Variants in CNTN4 observed in about 807,000 individuals in gnomAD.
CNTN4 encodes the protein contactin-4.
Under a neutral mutation model 122.5 loss-of-function variants are expected in CNTN4, and 77 were observed. The observed-to-expected ratio is 0.63, with a 90% CI of 0.52 to 0.76. CNTN4 has a LOEUF of 0.76. CNTN4 is among the 30% of genes least tolerant of loss of function. The probability of loss-of-function intolerance (pLI) is 0.00; values close to 1 mark genes in which losing one functional copy is unlikely to be tolerated. For synonymous variants in CNTN4, 512 were observed against 447.0 expected (o/e 1.15, Z -1.83); for missense variants, 1,256 against 1,259.1 (o/e 1.00, Z 0.04).
intron 2 of CNTN4, among the ~76,000 whole-genome samples, chr3:2,272,196 G>C (rs1180973993): frequency 6.6e-6 from 1 of 151,856 alleles, no homozygotes; most frequent in Admixed American, 6.6e-5. Context: ...CAGTAATACA[G>C]CTTACTACTG....
intron 2 of CNTN4, among the ~76,000 whole-genome samples, chr3:2,274,738 T>C (rs1266505896): frequency 6.6e-6 from 1 of 152,202 alleles, no homozygotes; most frequent in African/African-American, 2.4e-5. Context: ...CCATGTGACC[T>C]GAGAAGCAGG....
chr3:2,112,033 A>T (rs551061366), intron 2 of CNTN4, among the ~76,000 whole-genome samples: 1 of 152,170 alleles, frequency 6.6e-6, no homozygotes, highest in Non-Finnish European at 1.5e-5. Flanking sequence ...CAACATTTCC[A>T]TAGTGTGTTG....
intron 4 of CNTN4, among the ~76,000 whole-genome samples, chr3:2,636,312 T>G (rs952752187): frequency 6.6e-6 from 1 of 152,204 alleles, no homozygotes; most frequent in African/African-American, 2.4e-5. Context: ...ATCCCCTCTC[T>G]TCTTTGGCCC....
At chr3:2,686,839 G>GGGTTATA (rs2085456978) in intron 4 of CNTN4, among the ~76,000 whole-genome samples, 1 of 152,128 alleles carries the variant, frequency 6.6e-6, no homozygotes, top group Non-Finnish European at 1.5e-5. Flanking sequence ...ACTGACATCT[G>GGGTTATA]CCCACTCTGG....
At chr3:2,676,859 A>C (rs1380248784) in intron 4 of CNTN4, among the ~76,000 whole-genome samples, 1 of 152,218 alleles carries the variant, frequency 6.6e-6, no homozygotes, top group African/African-American at 2.4e-5. Flanking sequence ...TCATCCAGCG[A>C]AGACTAACTG....
Position 2,771,473 on chromosome 3 carries a change from A to G in CNTN4, c.358+25776A>G, listed in dbSNP as rs557120253. 2.0e-5 allele frequency among the ~76,000 whole-genome samples: 3 copies of G among 151,888 alleles called. No homozygotes were observed. The South Asian group carries it at 6.2e-4, about 32-fold the overall frequency. ...CTACCTCTTCTCTCTCACACATATC[A>G]CTCCAATATGTGACCTCTGGCAAAT... On this transcript the variant is annotated intron_variant, in intron 6 of 24. Coordinates refer to ENST00000418658, the MANE Select transcript of CNTN4 (RefSeq NM_175607.3).
chr3:2,727,268 G>T (rs942812050), intron 4 of CNTN4, among the ~76,000 whole-genome samples: 6 of 152,126 alleles, frequency 3.9e-5, no homozygotes, highest in African/African-American at 1.4e-4. Flanking sequence ...GCTGAGTCTG[G>T]GTCAGCACTG....
intron 2 of CNTN4, among the ~76,000 whole-genome samples, chr3:2,202,689 C>T (rs558817619): frequency 6.6e-6 from 1 of 152,180 alleles, no homozygotes; most frequent in South Asian, 2.1e-4. Flanking sequence ...TAGTAATTTA[C>T]TTAAGGTCAC....
chr3:2,872,434 T>A (rs1382292240), intron 8 of CNTN4, among the ~76,000 whole-genome samples: 28 of 152,264 alleles, frequency 1.8e-4, no homozygotes, highest in Admixed American at 1.7e-3. Context: ...TGGAGACTGG[T>A]TGGGGACTGG....
Position 3,034,758 on chromosome 3 carries a change from C to T in CNTN4, c.1910C>T (p.Pro637Leu), listed in dbSNP as rs772184755. ...ATGTATGTCATTCAAGCCAGGACTC[C>T]ATTCTCCGTGGGCTGGCAAGCAGTC... ...ITMYVIQARTPFSVGWQAVST... is the reference protein window; with the variant it reads ...ITMYVIQARTLFSVGWQAVST... The change falls in exon 17 of 25, where the codon CCA (proline) becomes CTA (leucine). Residue 637 changes from proline (P) to leucine (L), a missense_variant. Pro to Leu is a moderately conservative substitution (Grantham distance 98, BLOSUM62 -3). Transcript: ENST00000418658. The T allele has an allele frequency of 9.9e-6, 16 of 1,613,988 alleles. No individual in the cohort carries two copies. Among genetic ancestry groups the T allele is most frequent in the Admixed American group, 1.7e-5 (1 of 60,000 alleles).
chr3:2,271,986 A>T (rs1361736971), intron 2 of CNTN4, among the ~76,000 whole-genome samples: 1 of 152,206 alleles, frequency 6.6e-6, no homozygotes, highest in African/African-American at 2.4e-5. Context: ...TGTTCACAAG[A>T]TGTTAAGTAA....
intron 14 of CNTN4, among the ~76,000 whole-genome samples, chr3:2,994,157 C>T (rs890003667): frequency 1.3e-5 from 2 of 152,070 alleles, no homozygotes; most frequent in African/African-American, 4.8e-5. Flanking sequence ...CCGTCACCAG[C>T]CTAAATCAGC....
chr3:3,001,542 A>T (rs1696047205), intron 14 of CNTN4, among the ~76,000 whole-genome samples: 1 of 152,154 alleles, frequency 6.6e-6, no homozygotes, highest in Non-Finnish European at 1.5e-5. Context: ...GAGTGTTTAA[A>T]CCTTTTAAAT....
intron 2 of CNTN4, among the ~76,000 whole-genome samples, chr3:2,314,886 G>A (rs2043040262): frequency 6.6e-6 from 1 of 151,940 alleles, no homozygotes; most frequent in African/African-American, 2.4e-5. Context: ...CTTCTTAACA[G>A]CTTCAGTGTT....
chr3:2,102,539 A>C (rs1180513446), intron 2 of CNTN4, among the ~76,000 whole-genome samples: 1 of 152,176 alleles, frequency 6.6e-6, no homozygotes, highest in African/African-American at 2.4e-5. Context: ...GAAGTCCCAG[A>C]ATGGGTGATC....
rs148475083 is a variant in CNTN4 at position 2,385,345 on chromosome 3, T to G, written c.-89+46112T>G. On this transcript the variant is annotated intron_variant, in intron 3 of 24. Transcript: ENST00000418658. This position sits in a 1 kb window ranked among gnomAD's most constrained non-coding sequence, Gnocchi z 4.0. ...TTTATAGTTTTGTTTATATTACTCTTGTTGCACTGAATAACCTATTAGCAT... is the reference window on the plus strand; with the variant it reads ...TTTATAGTTTTGTTTATATTACTCTGGTTGCACTGAATAACCTATTAGCAT... Among the ~76,000 whole-genome samples the G allele has an allele frequency of 1.3e-5, 2 of 152,244 alleles. No homozygotes were observed. Among genetic ancestry groups the G allele is most frequent in the Non-Finnish European group, 2.9e-5 (2 of 68,034 alleles).
In CNTN4 at chr3:2,166,094, C is replaced by T. The variant is rs540855995; in HGVS notation, c.-145+65455C>T. Among the ~76,000 whole-genome samples, 51 of 152,094 alleles carry T rather than the reference C, an allele frequency of 3.4e-4. 1 individual carries two copies. Among genetic ancestry groups the T allele is most frequent in the African/African-American group, 1.2e-3 (50 of 41,488 alleles). ...GAAGTGGAATTGCTGGGTCATATGA[C>T]TGTTCTATTTTTAACTTTTTGAGGA... On this transcript the variant is annotated intron_variant, in intron 2 of 24. Coordinates refer to ENST00000418658, the MANE Select transcript of CNTN4 (RefSeq NM_175607.3).
rs573595744 is a variant in CNTN4, at chr3:2,571,672, C to G, written c.55+114C>G. On this transcript the variant is annotated intron_variant, in intron 4 of 24. Coordinates refer to ENST00000418658, the MANE Select transcript of CNTN4 (RefSeq NM_175607.3). ...GATAAAATCGCAAGAGTATATGCTG[C>G]TATGACTAGCATTTGCTGACACTGT... 24 of 772,324 alleles carry G rather than the reference C, an allele frequency of 3.1e-5. No individual in the cohort carries two copies. In the African/African-American group the frequency reaches 3.4e-4, roughly 11 times the overall value. 47.8% of individuals were successfully genotyped at this position (772,324 alleles called of 1,614,324 possible). A position where few individuals can be genotyped will look rare whatever the true frequency, so the allele number is the denominator to read the frequency against.
intron 3 of CNTN4, among the ~76,000 whole-genome samples, chr3:2,358,121 C>A (rs1225381456): frequency 6.6e-6 from 1 of 152,250 alleles, no homozygotes; most frequent in African/African-American, 2.4e-5. Context: ...TGATTTCTAA[C>A]AATTTCTTCT....
Sources: gnomAD v4.1 joint callset for allele counts (sites outside exome capture counted in the v4.1 genomes callset) on GRCh38, gnomAD v4.1.1 for gene constraint, Gnocchi (gnomAD v3.1) non-coding constraint, MANE v1.5 for transcripts, NCBI Gene and HGNC (gene_info 2026-07-23, HGNC 2026-07-21) for gene names.